Variants in NLGN1 observed in about 807,000 individuals in gnomAD.
NLGN1 encodes the protein neuroligin 1.
A neutral mutation model predicts 65.5 loss-of-function variants in NLGN1; 12 were observed. The ratio of observed to expected loss-of-function variants is 0.18; its 90% CI spans 0.12 to 0.30. The LOEUF (loss-of-function observed/expected upper bound fraction) is 0.30, where lower values mean the gene tolerates loss of function less well. Among genes scored for constraint, NLGN1 ranks in the 10% least tolerant of loss-of-function variants. The pLI is 1.00. For synonymous variants in NLGN1, 350 were observed against 359.5 expected, an observed-to-expected ratio of 0.97 and a Z score of 0.30; for missense variants, 750 against 1,007.1, an observed-to-expected ratio of 0.74 and a Z score of 3.46.
intron 2 of NLGN1, among the ~76,000 whole-genome samples, chr3:173,568,618 A>C (rs986269940): frequency 3.3e-5 from 5 of 152,120 alleles, no homozygotes; most frequent in Non-Finnish European, 2.9e-5. Context: ...TAAGAAACAA[A>C]AACAAAACAA....
chr3:174,140,921 G>A (rs1174886810), intron 4 of NLGN1, among the ~76,000 whole-genome samples: 2 of 152,020 alleles, frequency 1.3e-5, no homozygotes, highest in African/African-American at 4.8e-5. Flanking sequence ...TCAATTTTGG[G>A]AATTGATGTT....
In NLGN1 at chr3:174,198,840, G is replaced by T. The variant is rs889233402; in HGVS notation, c.647-76475G>T. ...CTCTTTTGATCTGGCCTCATGACTA[G>T]ATTCTTTTTTTTTTTTTTTTTTTTT... On this transcript the variant is annotated intron_variant, in intron 4 of 6. Coordinates refer to ENST00000457714, the Ensembl canonical transcript of NLGN1. Among the ~76,000 whole-genome samples, 22 of 102,212 alleles carry T rather than the reference G, an allele frequency of 2.2e-4. No homozygotes were observed. In the East Asian group the frequency reaches 3.4e-3, roughly 16 times the overall value. 67.1% of individuals were successfully genotyped at this position (102,212 alleles called of 152,430 possible).
In NLGN1 at chr3:173,571,454, C is replaced by T. The variant is rs190647596; in HGVS notation, c.-320-32825C>T. On this transcript the variant is annotated intron_variant, in intron 2 of 6. Transcript: ENST00000457714. The stretch of plus-strand genomic sequence containing the variant: ...ATCTGGTTATTTAATGGAGGTGTCA[C>T]ACTTTTTATGTTGCATTTTTCTTGG... Among the ~76,000 whole-genome samples, 324 of 152,278 alleles carry T rather than the reference C, an allele frequency of 2.1e-3. 5 individuals are homozygous for T. Among genetic ancestry groups the T allele is most frequent in the Admixed American group, 0.02 (299 of 15,300 alleles).
intron 4 of NLGN1, among the ~76,000 whole-genome samples, chr3:174,168,438 T>C (rs1350408692): frequency 6.6e-6 from 1 of 152,098 alleles, no homozygotes; most frequent in Admixed American, 6.6e-5. Flanking sequence ...CTTTCTATTT[T>C]CCCCCTCCCT....
At chr3:173,526,327 C>CTT (rs138736270) in intron 2 of NLGN1, among the ~76,000 whole-genome samples, 5 of 150,266 alleles carry the variant, frequency 3.3e-5, no homozygotes, top group African/African-American at 1.2e-4. Flanking sequence ...CTTTCCTTGT[C>CTT]TTTTTTTTTA....
intron 3 of NLGN1, among the ~76,000 whole-genome samples, chr3:173,617,665 C>G (rs1404824633): frequency 6.6e-6 from 1 of 152,196 alleles, no homozygotes; most frequent in East Asian, 1.9e-4. Flanking sequence ...TGTCACGGGC[C>G]CTCGAGGCCA....
intron 4 of NLGN1, among the ~76,000 whole-genome samples, chr3:173,935,168 C>T (rs940522684): frequency 6.6e-6 from 1 of 151,912 alleles, no homozygotes; most frequent in African/African-American, 2.4e-5. Flanking sequence ...TTCAGGCCCT[C>T]ATCATTTTGC....
chr3:173,636,443 T>A (rs1208341196), intron 3 of NLGN1, among the ~76,000 whole-genome samples: 1 of 152,198 alleles, frequency 6.6e-6, no homozygotes, highest in Non-Finnish European at 1.5e-5. Context: ...TTCCTCAAGG[T>A]CATAGTTTGT....
chr3:173,697,969 G>GT (rs1235619125), intron 3 of NLGN1, among the ~76,000 whole-genome samples: 8 of 150,894 alleles, frequency 5.3e-5, no homozygotes, highest in African/African-American at 2.0e-4. Flanking sequence ...TTTTGTAAAT[G>GT]TTTTTTCCAT....
chr3:173,725,806 G>A (rs908021714), intron 3 of NLGN1, among the ~76,000 whole-genome samples: 1 of 152,064 alleles, frequency 6.6e-6, no homozygotes, highest in African/African-American at 2.4e-5. Context: ...ACTGCCTCAG[G>A]TTGTTGGCAG....
chr3:174,145,832 C>A (rs1723123613), intron 4 of NLGN1, among the ~76,000 whole-genome samples: 1 of 152,072 alleles, frequency 6.6e-6, no homozygotes, highest in Non-Finnish European at 1.5e-5. Flanking sequence ...TCACTTTTAC[C>A]TAAAATATCA....
chr3:173,590,644 G>A (rs1344514130), intron 2 of NLGN1, among the ~76,000 whole-genome samples: 1 of 152,120 alleles, frequency 6.6e-6, no homozygotes, highest in Non-Finnish European at 1.5e-5. Context: ...TTGGATGTTA[G>A]TAACTAAACA....
intron 2 of NLGN1, among the ~76,000 whole-genome samples, chr3:173,565,706 T>C (rs1393683016): frequency 6.6e-6 from 1 of 152,068 alleles, no homozygotes; most frequent in Non-Finnish European, 1.5e-5. Context: ...GTTATATGTA[T>C]TACCACATAA....
At chr3:173,668,619 C>CTTTTT (rs34649854) in intron 3 of NLGN1, among the ~76,000 whole-genome samples, 2 of 132,744 alleles carry the variant, frequency 1.5e-5, no homozygotes. Flanking sequence ...CTTTTCTTTT[C>CTTTTT]TTTTTTTTTT....
chr3:174,154,608 G>T (rs538847522), intron 4 of NLGN1, among the ~76,000 whole-genome samples: 8 of 151,958 alleles, frequency 5.3e-5, no homozygotes, highest in Non-Finnish European at 7.4e-5. Flanking sequence ...TGTCTCCAGG[G>T]CAGTCATGAC....
intron 4 of NLGN1, among the ~76,000 whole-genome samples, chr3:173,881,393 A>T (rs1481636288): frequency 7.1e-6 from 1 of 140,602 alleles, no homozygotes; most frequent in African/African-American, 2.7e-5. Flanking sequence ...CACTGCGCCC[A>T]GCCAGGCTCC....
chr3:173,470,098 C>G (rs1332209059), intron 2 of NLGN1, among the ~76,000 whole-genome samples: 1 of 152,066 alleles, frequency 6.6e-6, no homozygotes, highest in Non-Finnish European at 1.5e-5. Flanking sequence ...TGCCCTCTTT[C>G]AGTAGCTGCC....
At chr3:174,035,308 C>G (rs1043266210) in intron 4 of NLGN1, among the ~76,000 whole-genome samples, 1 of 152,110 alleles carries the variant, frequency 6.6e-6, no homozygotes, top group Non-Finnish European at 1.5e-5. Context: ...ACTCAATACA[C>G]CATTTCATTG....
intron 2 of NLGN1, among the ~76,000 whole-genome samples, chr3:173,449,952 G>A (rs146261171): frequency 0.018 from 2,665 of 152,214 alleles, 90 homozygotes; most frequent in African/African-American, 0.058. Context: ...GAGCCTGTGT[G>A]TGTCTCTGCA....
Sources: gnomAD v4.1 joint callset for allele counts (sites outside exome capture counted in the v4.1 genomes callset) on GRCh38, gnomAD v4.1.1 for gene constraint, MANE v1.5 for transcripts, NCBI Gene and HGNC (gene_info 2026-07-23, HGNC 2026-07-21) for gene names.